The following CYB5R3 variants were observed in gnomAD, a reference collection of about 807,000 sequenced individuals.
CYB5R3 encodes NADH-cytochrome b5 reductase 3.
CYB5R3 carries 28 observed loss-of-function variants against 36.5 expected under a neutral mutation model. That is an observed-to-expected ratio of 0.77 (90% confidence interval 0.57 to 1.05). The LOEUF is 1.05. Ranked by LOEUF, CYB5R3 falls within the 50% of genes least tolerant of loss-of-function variation. The pLI is 0.00. For synonymous variants in CYB5R3, 181 were observed against 159.8 expected, an observed-to-expected ratio of 1.13 and a Z score of -1.00; for missense variants, 474 against 408.9, an observed-to-expected ratio of 1.16 and a Z score of -1.37.
At chr22:42,633,173 C>A (rs965950441) in intron 2 of CYB5R3, 2 of 152,332 alleles carry the variant, frequency 1.3e-5, no homozygotes, top group African/African-American at 4.8e-5. Context: ...AATGAGGGGG[C>A]AAAGCTGCAA....
intron 2 of CYB5R3, among the ~76,000 whole-genome samples, chr22:42,633,701 T>C (rs1162447745): frequency 3.3e-5 from 5 of 152,210 alleles, no homozygotes. Context: ...AAGAATCACT[T>C]GAACCTGGGA....
At chr22:42,628,398 T>G (rs541928449) in intron 4 of CYB5R3, 117 bp from the exon 5 acceptor site, 6 of 1,349,844 alleles carry the variant, frequency 4.4e-6, no homozygotes, top group African/African-American at 1.4e-5. Flanking sequence ...ACACATGGCC[T>G]TCTCCCGTGG....
rs8190386 is a variant in CYB5R3, at chr22:42,646,712, C to T, written c.21+2583G>A. On this transcript the variant is annotated intron_variant, in intron 1 of 8. Coordinates refer to ENST00000352397, the MANE Select transcript of CYB5R3 (RefSeq NM_000398.7). ...ACCTCCCTCCTGGTCCTGTTCTAAC[C>T]GGGAGGAAGTGGGAGGGAGTGGAGG... The T allele has an allele frequency of 1.3e-4, 126 of 985,614 alleles. 2 individuals are homozygous for T. The East Asian group carries it at 0.012, about 92-fold the overall frequency. The allele number at this position is 985,614 out of a possible 1,614,324, so 61.1% of individuals were successfully genotyped here. A position where few individuals can be genotyped will look rare whatever the true frequency, so the allele number is the denominator to read the frequency against.
intron 1 of CYB5R3, among the ~76,000 whole-genome samples, chr22:42,641,102 G>A (rs1488369647): frequency 6.6e-6 from 1 of 151,046 alleles, no homozygotes; most frequent in African/African-American, 2.4e-5. Flanking sequence ...TGATCCTCCT[G>A]CCTCGGCCTC....
At chr22:42,635,986 G>A (rs1479534141) in intron 2 of CYB5R3, among the ~76,000 whole-genome samples, 1 of 152,196 alleles carries the variant, frequency 6.6e-6, no homozygotes, top group Non-Finnish European at 1.5e-5. Flanking sequence ...AGGTGGAGGT[G>A]CGGGGATCAC....
rs6002817 is a variant in CYB5R3, at chr22:42,618,461, C to G, written c.*1312G>C. 7.0e-6 allele frequency: 1 copy of G among 143,108 alleles called. No homozygotes were observed. The highest frequency in any genetic ancestry group is 2.7e-5 in the African/African-American group (1 of 37,046). The allele number at this position is 143,108 out of a possible 1,614,324, so 8.9% of individuals were successfully genotyped here. ...CTGAGGCAGGAGAATGGCGTGAACC[C>G]GGGAGGCGGAGCTTGCAGTGAGCCG... On this transcript the variant is annotated 3_prime_UTR_variant, in exon 9 of 9. Coordinates refer to ENST00000352397, the MANE Select transcript of CYB5R3 (RefSeq NM_000398.7).
chr22:42,644,911 T>C (rs898065892), intron 1 of CYB5R3, among the ~76,000 whole-genome samples: 1 of 151,900 alleles, frequency 6.6e-6, no homozygotes, highest in African/African-American at 2.4e-5. Context: ...CCCCATTTCC[T>C]CCCCGGCCCT....
At position 42,623,795 on chromosome 22, in the gene CYB5R3, G is replaced by C. The variant is rs978185135; in HGVS notation, c.727C>G (p.Pro243Ala). 3 of 1,613,804 alleles carry C rather than the reference G, an allele frequency of 1.9e-6. No homozygotes were observed. Among genetic ancestry groups the C allele is most frequent in the Non-Finnish European group, 2.5e-6 (3 of 1,179,822 alleles). The change falls in exon 8 of 9, where the codon CCT (proline) becomes GCT (alanine). Residue 243 changes from proline to alanine, a missense_variant. By Grantham distance (27) the Pro-to-Ala change is conservative (BLOSUM62 -1). Coordinates refer to ENST00000352397, the MANE Select transcript of CYB5R3 (RefSeq NM_000398.7). The stretch of plus-strand genomic sequence containing the variant: ...AGGGGCCTCCCTCACTCACCTTCAG[G>C]GGCTCTGTCCAGCGTGTACCAGAGC... ...FKLWYTLDRA[P>A]EAWDYGQGFV...
chr22:42,624,986 C>G (rs1298371943), intron 7 of CYB5R3, among the ~76,000 whole-genome samples: 1 of 152,154 alleles, frequency 6.6e-6, no homozygotes, highest in African/African-American at 2.4e-5. Context: ...TCCCAGGGAA[C>G]ACGGGGTGTT....
intron 7 of CYB5R3, among the ~76,000 whole-genome samples, 170 bp downstream of exon 7, chr22:42,627,134 C>T (rs191517323): frequency 7.4e-4 from 112 of 152,306 alleles, no homozygotes; most frequent in African/African-American, 2.2e-3. Flanking sequence ...AAAGCCTGCC[C>T]GCCGTGCTGC....
At chr22:42,645,387 G>A (rs573644126) in intron 1 of CYB5R3, among the ~76,000 whole-genome samples, 3 of 152,284 alleles carry the variant, frequency 2.0e-5, no homozygotes, top group South Asian at 4.1e-4. Flanking sequence ...ATGAGGGCGC[G>A]GCACAGCCTG....
intron 7 of CYB5R3, 83 bp downstream of exon 7, chr22:42,627,221 G>C: frequency 1.8e-6 from 2 of 1,138,362 alleles, no homozygotes; most frequent in Non-Finnish European, 2.6e-6. Context: ...GAGCTGTGCA[G>C]ACCCCTGGAA....
chr22:42,631,122 C>A, intron 3 of CYB5R3, 134 bp from the exon 4 acceptor site: 2 of 889,484 alleles, frequency 2.2e-6, no homozygotes, highest in Non-Finnish European at 3.6e-6. Context: ...GGCCCCCTCC[C>A]ACCCCTCCCG....
intron 8 of CYB5R3, among the ~76,000 whole-genome samples, chr22:42,621,307 C>G (rs1225135374): frequency 1.3e-5 from 2 of 152,114 alleles, no homozygotes; most frequent in South Asian, 4.1e-4. Flanking sequence ...CAGCCTGGAG[C>G]TCCTGGGCTC....
rs201683596 is a variant in CYB5R3 at position 42,630,902 on chromosome 22, A to C, written c.313T>G (p.Phe105Val). The change falls in exon 4 of 9, where the codon TTC becomes GTC. Residue 105 changes from phenylalanine (F) to valine (V), a missense_variant. Coordinates refer to ENST00000352397, the MANE Select transcript of CYB5R3 (RefSeq NM_000398.7). Reference sequence around the variant, plus strand: ...TTCACCTTGATGACCAGGTCCACGAAGCCCTTGTCATCATCGCTGGAGATG... The same window carrying C: ...TTCACCTTGATGACCAGGTCCACGACGCCCTTGTCATCATCGCTGGAGATG... The part of the protein sequence containing the change: ...TPISSDDDKG[F>V]VDLVIKVYFK... 2.4e-5 allele frequency: 39 copies of C among 1,613,662 alleles called. No individual in the cohort carries two copies. The East Asian group carries it at 8.5e-4, about 35-fold the overall frequency.
chr22:42,628,815 G>A (rs189307339), intron 4 of CYB5R3, among the ~76,000 whole-genome samples: 1 of 152,200 alleles, frequency 6.6e-6, no homozygotes, highest in Non-Finnish European at 1.5e-5. Flanking sequence ...CAGAGGAGGA[G>A]CGGCTCACCC....
intron 2 of CYB5R3, among the ~76,000 whole-genome samples, chr22:42,635,763 G>C (rs1280172789): frequency 6.6e-6 from 1 of 152,192 alleles, no homozygotes; most frequent in Non-Finnish European, 1.5e-5. Context: ...CTGTGACTCA[G>C]TTTTCCCTGC....
At chr22:42,627,196 C>T (rs1928314945) in intron 7 of CYB5R3, 108 bp downstream of exon 7, 1 of 958,360 alleles carries the variant, frequency 1.0e-6, no homozygotes, top group Non-Finnish European at 1.6e-6. Context: ...CCCGGTCATC[C>T]CCAGAATCTC....
chr22:42,631,487 G>A (rs1928619060), intron 2 of CYB5R3, 37 bp from the exon 3 acceptor site: 1 of 1,544,470 alleles, frequency 6.5e-7, no homozygotes, highest in Non-Finnish European at 8.8e-7. Flanking sequence ...CGGTCCCCAG[G>A]GCAGAGGCCT....
Sources: gnomAD v4.1 joint callset for allele counts (sites outside exome capture counted in the v4.1 genomes callset) on GRCh38, gnomAD v4.1.1 for gene constraint, MANE v1.5 for transcripts, NCBI Gene and HGNC (gene_info 2026-07-23, HGNC 2026-07-21) for gene names.